Variants in LARP7 observed in about 807,000 individuals in gnomAD.
LARP7 encodes La ribonucleoprotein 7, transcriptional regulator.
In LARP7, 52 loss-of-function variants were observed where a neutral mutation model predicts 69.3. The ratio of observed to expected loss-of-function variants is 0.75; its 90% confidence interval spans 0.60 to 0.95. LARP7 has a LOEUF of 0.95. Ranked by LOEUF, LARP7 falls within the 40% of genes least tolerant of loss-of-function variation. The probability of loss-of-function intolerance (pLI) is 0.00; values close to 1 mark genes in which losing one functional copy is unlikely to be tolerated. For missense variants in LARP7, 733 were observed against 673.0 expected (o/e 1.09, Z -0.99); for synonymous variants, 254 against 215.9 (o/e 1.18, Z -1.55).
At position 112,648,688 on chromosome 4, in the gene LARP7, C is replaced by T. The variant is rs2048526948; in HGVS notation, c.1143-847C>T. On this transcript the variant is annotated intron_variant, in intron 8 of 12. Transcript: ENST00000344442. ...CTAGTTCCCAAAGATTCGTGTTCTC[C>T]TCCAGAAGGGTAAAAGGCAGGGACT... The T allele has an allele frequency of 1.4e-5, 5 of 362,510 alleles. No homozygotes were observed. In the Admixed American group the frequency reaches 1.8e-4, roughly 13 times the overall value. The allele number at this position is 362,510 out of a possible 1,614,324, so 22.5% of individuals were successfully genotyped here.
chr4:112,651,045 G>A (rs974043669), intron 10 of LARP7, among the ~76,000 whole-genome samples: 4 of 152,082 alleles, frequency 2.6e-5, no homozygotes, highest in African/African-American at 9.7e-5. Flanking sequence ...TCTATCTTCT[G>A]TAGCCTTTTA....
chr4:112,644,219 A>T, intron 1 of LARP7: 1 of 195,176 alleles, frequency 5.1e-6, no homozygotes, highest in Non-Finnish European at 1.0e-5. Flanking sequence ...TCCAGCCTGC[A>T]CAACAAAAGG....
At chr4:112,648,018 G>A (rs1578602785) in intron 8 of LARP7, 184 bp downstream of exon 8, 1 of 687,736 alleles carries the variant, frequency 1.5e-6, no homozygotes, top group African/African-American at 1.7e-5. Context: ...ACTCAAACAT[G>A]GAAGCACTTA....
intron 1 of LARP7, among the ~76,000 whole-genome samples, chr4:112,641,120 G>A (rs1425214825): frequency 6.6e-6 from 1 of 152,192 alleles, no homozygotes; most frequent in South Asian, 2.1e-4. Flanking sequence ...AAACCTCTGA[G>A]CTGGGCGCGG....
rs144306346 is a variant in LARP7, at chr4:112,643,704, C to T, written c.-2-964C>T. Among the ~76,000 whole-genome samples, 832 of 152,048 alleles carry T rather than the reference C, an allele frequency of 5.5e-3. 13 individuals are homozygous for T. Among genetic ancestry groups the T allele is most frequent in the African/African-American group, 0.017 (718 of 41,454 alleles). On this transcript the variant is annotated intron_variant, in intron 1 of 12. Coordinates refer to ENST00000344442, the MANE Select transcript of LARP7 (RefSeq NM_016648.4). Reference sequence around the variant, plus strand: ...CTCTACTAAAAATACAAAAATTAGCCGGGTGTGATTGGCAGTGGTGCCTGT... The same window carrying T: ...CTCTACTAAAAATACAAAAATTAGCTGGGTGTGATTGGCAGTGGTGCCTGT...
intron 1 of LARP7, among the ~76,000 whole-genome samples, chr4:112,641,492 G>A (rs1421456553): frequency 6.6e-6 from 1 of 152,176 alleles, no homozygotes; most frequent in Non-Finnish European, 1.5e-5. Context: ...TCGATTATAA[G>A]GGAAGAAGAT....
intron 7 of LARP7, 41 bp downstream of exon 7, chr4:112,647,590 T>TTAATTAATTAGTTTG (rs775730829): frequency 3.4e-6 from 5 of 1,452,822 alleles, no homozygotes; most frequent in Non-Finnish European, 9.2e-7. Context: ...CTAATTAATT[T>TTAATTAATTAGTTTG]TAATTAATTA....
In LARP7 at chr4:112,647,478, G is replaced by T; in HGVS notation, c.926G>T (p.Arg309Leu). The change falls in exon 7 of 13, where the codon CGA (arginine) becomes CTA (leucine). Residue 309 changes from arginine to leucine, a missense_variant. Physicochemically the swap from Arg to Leu is moderately radical, Grantham distance 102. Transcript: ENST00000344442. ...GAAGATGCAGAATCCCTAGCTCCCCGATCAAAAGTAAAGAAAATTATTCAG... is the reference window on the plus strand; with the variant it reads ...GAAGATGCAGAATCCCTAGCTCCCCTATCAAAAGTAAAGAAAATTATTCAG... ...SSEDAESLAP[R>L]SKVKKIIQKD... 6.2e-7 allele frequency: 1 copy of T among 1,613,576 alleles called. No homozygotes were observed. Among genetic ancestry groups the T allele is most frequent in the African/African-American group, 1.3e-5 (1 of 74,984 alleles).
Position 112,646,397 on chromosome 4 carries a change from G to GACT in LARP7, c.253_255dup (p.Thr85dup). ...TGTCTTTTAACAAAATGAAAAAATT[G>GACT]ACTACTGATGGGAAGTTAATTGCCA... On this transcript the variant is annotated inframe_insertion, in exon 3 of 13. Transcript: ENST00000344442. The GACT allele has an allele frequency of 6.2e-7, 1 of 1,604,004 alleles. No homozygotes were observed. The highest frequency in any genetic ancestry group is 8.5e-7 in the Non-Finnish European group (1 of 1,172,312).
chr4:112,647,101 AGCCCATTCCAGCCTTAAGAGTTGTGGG>A lies in LARP7; in HGVS notation c.621_646+1del. Reference sequence around the variant, plus strand: ...ATATTTCCTAAAACAGTGAAAAATAAGCCCATTCCAGCCTTAAGAGTTGTGGGTGAGTATTTTTCAATATTTAAATAG... The same window carrying A: ...ATATTTCCTAAAACAGTGAAAAATAATGAGTATTTTTCAATATTTAAATAG... On this transcript the variant is annotated splice_donor_variant and coding_sequence_variant, in exon 6 of 13. Coordinates refer to ENST00000344442, the MANE Select transcript of LARP7 (RefSeq NM_016648.4). LOFTEE classifies it high-confidence loss of function. 1 of 1,610,428 alleles carries A rather than the reference AGCCCATTCCAGCCTTAAGAGTTGTGGG, an allele frequency of 6.2e-7. No individual in the cohort carries two copies. Among genetic ancestry groups the A allele is most frequent in the South Asian group, 1.1e-5 (1 of 89,484 alleles).
intron 1 of LARP7, among the ~76,000 whole-genome samples, chr4:112,643,041 A>G (rs1178775952): frequency 6.6e-6 from 1 of 152,240 alleles, no homozygotes; most frequent in Non-Finnish European, 1.5e-5. Flanking sequence ...AATTCATTCA[A>G]CAAAATCGAG....
chr4:112,653,262 T>A, intron 11 of LARP7, 26 bp downstream of exon 11: 1 of 1,549,074 alleles, frequency 6.5e-7, no homozygotes. Context: ...CGTTTCCTTT[T>A]TTTTTTGTTA....
At chr4:112,652,797 A>G (rs1298929299) in intron 10 of LARP7, among the ~76,000 whole-genome samples, 1 of 151,248 alleles carries the variant, frequency 6.6e-6, no homozygotes, top group Non-Finnish European at 1.5e-5. Context: ...TTTCTGCTCT[A>G]TAAATCTGTT....
In LARP7 at chr4:112,653,170, C is replaced by G; in HGVS notation, c.1510C>G (p.Gln504Glu). Residue 504 changes from glutamine (Q) to glutamate (E), a missense_variant, in exon 11 of 13, where the codon CAA becomes GAA. Physicochemically the swap from Gln to Glu is conservative, Grantham distance 29 (BLOSUM62 2). Coordinates refer to ENST00000344442, the MANE Select transcript of LARP7 (RefSeq NM_016648.4). The part of the protein sequence containing the change: ...HARFKTPEDA[Q>E]AVINAYTEIN... ...TAGATTTAAAACTCCTGAGGATGCT[C>G]AAGCAGTAATAAATGCCTATACAGA... 6.2e-7 allele frequency: 1 copy of G among 1,609,450 alleles called. No homozygotes were observed. Among genetic ancestry groups the G allele is most frequent in the South Asian group, 1.1e-5 (1 of 90,254 alleles).
Position 112,649,730 on chromosome 4 carries a change from A to G in LARP7, c.1294+44A>G. ...TTTGACAACATTATAATGTACTTAT[A>G]TATGTAAATGCTATCTCTGAGTTGT... On this transcript the variant is annotated intron_variant, in intron 9 of 12. Coordinates refer to ENST00000344442, the MANE Select transcript of LARP7 (RefSeq NM_016648.4). 4 of 1,297,028 alleles carry G rather than the reference A, an allele frequency of 3.1e-6. No individual in the cohort carries two copies. The South Asian group carries it at 4.6e-5, about 15-fold the overall frequency. The allele number at this position is 1,297,028 out of a possible 1,614,324, so 80.3% of individuals were successfully genotyped here. A position where few individuals can be genotyped will look rare whatever the true frequency, so the allele number is the denominator to read the frequency against.
At chr4:112,641,391 GAAA>G (rs370133374) in intron 1 of LARP7, among the ~76,000 whole-genome samples, 12 of 141,748 alleles carry the variant, frequency 8.5e-5, no homozygotes, top group Admixed American at 8.4e-4. Context: ...CCGTCTCAGG[GAAA>G]AAAAAAAAAA....
At chr4:112,644,369 C>T (rs2048081993) in intron 1 of LARP7, 1 of 520,514 alleles carries the variant, frequency 1.9e-6, no homozygotes, top group Non-Finnish European at 2.9e-6. Context: ...TTTTCACTTA[C>T]TGACTTAAAA....
intron 1 of LARP7, among the ~76,000 whole-genome samples, chr4:112,640,295 T>G (rs1413260114): frequency 6.6e-6 from 1 of 152,212 alleles, no homozygotes; most frequent in African/African-American, 2.4e-5. Context: ...TGCTTAACAC[T>G]TTACAGGTAC....
rs766962342 is a variant in LARP7, at chr4:112,646,657, C to T, written c.373C>T (p.Arg125Cys). 1.1e-5 allele frequency: 18 copies of T among 1,605,320 alleles called. No individual in the cohort carries two copies. Among genetic ancestry groups the T allele is most frequent in the South Asian group, 2.2e-5 (2 of 89,482 alleles). The change falls in exon 4 of 13, where the codon CGC becomes TGC. Residue 125 changes from arginine (R) to cysteine (C), a missense_variant. By Grantham distance (180) the Arg-to-Cys change is radical. Coordinates refer to ENST00000344442, the MANE Select transcript of LARP7 (RefSeq NM_016648.4). ...LGERPKDEDE[R>C]TVYVELLPKN... is the part of the protein sequence containing the mutation. ...GGAAAGACCAAAGGATGAGGATGAA[C>T]GCACAGTGTATGTGGTAAGCTTAAG...
Sources: allele counts gnomAD v4.1 joint callset (sites outside exome capture counted in the v4.1 genomes callset), GRCh38; gene constraint gnomAD v4.1.1; transcripts MANE v1.5; gene names NCBI Gene and HGNC (gene_info 2026-07-23, HGNC 2026-07-21).